The following CADM2 variants were observed in gnomAD, a reference collection of about 807,000 sequenced individuals.
CADM2 encodes cell adhesion molecule 2.
CADM2 carries 12 observed loss-of-function variants against 49.8 expected under a neutral mutation model. That is an observed-to-expected ratio of 0.24 (90% confidence interval 0.15 to 0.39). The LOEUF (loss-of-function observed/expected upper bound fraction) is 0.39. Ranked by LOEUF, CADM2 falls within the 10% of genes least tolerant of loss-of-function variation. The pLI is 1.00. For missense variants in CADM2, 378 were observed against 492.3 expected, an observed-to-expected ratio of 0.77 and a Z score of 2.20; for synonymous variants, 214 against 175.4, an observed-to-expected ratio of 1.22 and a Z score of -1.74.
intron 8 of CADM2, among the ~76,000 whole-genome samples, chr3:86,008,125 AT>A (rs1012682794): frequency 8.1e-4 from 123 of 152,028 alleles, no homozygotes; most frequent in Non-Finnish European, 1.2e-3. Context: ...GTGAAAATCA[AT>A]TTTTTTTTCC....
At chr3:85,380,336 T>C (rs778891266) in intron 1 of CADM2, among the ~76,000 whole-genome samples, 17 of 151,776 alleles carry the variant, frequency 1.1e-4, no homozygotes, top group Non-Finnish European at 2.2e-4. Flanking sequence ...TAAATGTTGC[T>C]TTTTTTGCCT....
At chr3:85,050,353 C>G (rs1328339171) in intron 1 of CADM2, among the ~76,000 whole-genome samples, 1 of 151,990 alleles carries the variant, frequency 6.6e-6, no homozygotes, top group African/African-American at 2.4e-5. Context: ...ATAGAAAATA[C>G]CATAAAATAA....
intron 1 of CADM2, among the ~76,000 whole-genome samples, chr3:85,541,040 A>G (rs1559896878): frequency 6.6e-6 from 1 of 151,992 alleles, no homozygotes; most frequent in Non-Finnish European, 1.5e-5. Context: ...TATGGCTTCA[A>G]TATGTAAATT....
At chr3:85,090,743 G>A (rs2037564583) in intron 1 of CADM2, among the ~76,000 whole-genome samples, 1 of 152,072 alleles carries the variant, frequency 6.6e-6, no homozygotes, top group Non-Finnish European at 1.5e-5. Context: ...GATTAGCAGC[G>A]GCATTAGATT....
intron 1 of CADM2, among the ~76,000 whole-genome samples, chr3:85,530,958 A>G (rs1254815291): frequency 6.6e-6 from 1 of 151,748 alleles, no homozygotes; most frequent in Non-Finnish European, 1.5e-5. Flanking sequence ...TAATATTCCC[A>G]AAACTCAGAT....
intron 1 of CADM2, among the ~76,000 whole-genome samples, chr3:85,265,066 G>C (rs1340292033): frequency 6.6e-6 from 1 of 151,908 alleles, no homozygotes; most frequent in Non-Finnish European, 1.5e-5. Context: ...TCAGAATATG[G>C]TAAGTACTCA....
chr3:85,652,772 C>CTTTTCTTTTTTTT (rs1553655456), intron 1 of CADM2, among the ~76,000 whole-genome samples: 2 of 50,788 alleles, frequency 3.9e-5, no homozygotes, highest in African/African-American at 7.8e-5. Context: ...TTTTTCTTTT[C>CTTTTCTTTTTTTT]TTTTTTTTTT....
chr3:85,342,474 G>A (rs865843266), intron 1 of CADM2, among the ~76,000 whole-genome samples: 3 of 151,880 alleles, frequency 2.0e-5, no homozygotes, highest in South Asian at 2.1e-4. Context: ...ATTAATTGGG[G>A]AGATAATACA....
intron 3 of CADM2, among the ~76,000 whole-genome samples, chr3:85,859,042 A>AT (rs1180669002): frequency 6.6e-6 from 1 of 152,226 alleles, no homozygotes; most frequent in East Asian, 1.9e-4. Flanking sequence ...ATTTTGTGAC[A>AT]TTTTTTACAA....
chr3:85,189,066 T>A (rs940950672), intron 1 of CADM2, among the ~76,000 whole-genome samples: 1 of 106,434 alleles, frequency 9.4e-6, no homozygotes, highest in Non-Finnish European at 1.9e-5. Context: ...ATAAATAAAA[T>A]AAATAAATAA....
intron 1 of CADM2, among the ~76,000 whole-genome samples, chr3:85,350,062 T>C (rs548372901): frequency 7.2e-4 from 110 of 152,328 alleles, no homozygotes; most frequent in African/African-American, 2.4e-3. Flanking sequence ...AAATTATGCT[T>C]ATGAAGACAG....
chr3:85,573,157 TTTTATTTATTTATTTATTTATTTA>T (rs34809115), intron 1 of CADM2, among the ~76,000 whole-genome samples: 30,158 of 139,544 alleles, frequency 0.22, 3,777 homozygotes, highest in East Asian at 0.31. Flanking sequence ...AACGTGCTTA[TTTTATTTATTTATTTATTTATTTA>T]TTTATTTATT....
chr3:85,208,912 T>C (rs980951803), intron 1 of CADM2, among the ~76,000 whole-genome samples: 1 of 152,108 alleles, frequency 6.6e-6, no homozygotes, highest in African/African-American at 2.4e-5. Context: ...GAGAGAACAC[T>C]CTCTAGTATT....
chr3:86,017,268 T>C (rs1268565467), intron 8 of CADM2, among the ~76,000 whole-genome samples: 1 of 151,362 alleles, frequency 6.6e-6, no homozygotes, highest in East Asian at 1.9e-4. Flanking sequence ...ATATATCCCT[T>C]TGAGTCCTCA....
At chr3:84,991,581 T>C (rs536275258) in intron 1 of CADM2, among the ~76,000 whole-genome samples, 4 of 152,198 alleles carry the variant, frequency 2.6e-5, no homozygotes, top group Non-Finnish European at 5.9e-5. Context: ...GCTGTTGGAA[T>C]GTAAAATGGC....
At chr3:85,020,235 T>G (rs2107287976) in intron 1 of CADM2, among the ~76,000 whole-genome samples, 1 of 152,298 alleles carries the variant, frequency 6.6e-6, no homozygotes, top group East Asian at 1.9e-4. Flanking sequence ...CATTCTGAAT[T>G]ACAGCTGAAA....
chr3:85,486,046 G>A (rs1185654400), intron 1 of CADM2, among the ~76,000 whole-genome samples: 1 of 152,066 alleles, frequency 6.6e-6, no homozygotes, highest in Non-Finnish European at 1.5e-5. Flanking sequence ...AAATGATGAC[G>A]TTGAGGTCAC....
intron 8 of CADM2, among the ~76,000 whole-genome samples, chr3:86,017,557 C>T (rs994714499): frequency 6.6e-6 from 1 of 151,506 alleles, no homozygotes; most frequent in Admixed American, 6.6e-5. Context: ...TGAGGAATCC[C>T]GCCTCTACAA....
chr3:85,784,815 A>G (rs2108008301), intron 2 of CADM2, among the ~76,000 whole-genome samples: 1 of 152,274 alleles, frequency 6.6e-6, no homozygotes, highest in South Asian at 2.1e-4. Context: ...TGAGTTTGGA[A>G]GTATTCCCTC....
Sources: allele counts gnomAD v4.1 joint callset (sites outside exome capture counted in the v4.1 genomes callset), GRCh38; gene constraint gnomAD v4.1.1; transcripts MANE v1.5; gene names NCBI Gene and HGNC (gene_info 2026-07-23, HGNC 2026-07-21).